Variants in GRM5 observed in about 807,000 individuals in gnomAD.
GRM5 encodes metabotropic glutamate receptor 5.
Under a neutral mutation model 83.1 loss-of-function variants are expected in GRM5, and 19 were observed. The ratio of observed to expected loss-of-function variants is 0.23; its 90% confidence interval spans 0.16 to 0.34. The LOEUF is 0.34. Among genes scored for constraint, GRM5 ranks in the 10% least tolerant of loss-of-function variants. GRM5 has a pLI of 1.00. For missense variants in GRM5, 1,160 were observed against 1,588.3 expected (o/e 0.73, Z 4.58); for synonymous variants, 675 against 633.6 (o/e 1.07, Z -0.98).
At chr11:88,627,091 C>G (rs1213869496) in intron 4 of GRM5, among the ~76,000 whole-genome samples, 1 of 152,216 alleles carries the variant, frequency 6.6e-6, no homozygotes, top group Non-Finnish European at 1.5e-5. Context: ...CATAATATCT[C>G]TATCTGCTAG....
At chr11:88,698,562 G>A (rs145767644) in intron 3 of GRM5, among the ~76,000 whole-genome samples, 1 of 152,112 alleles carries the variant, frequency 6.6e-6, no homozygotes, top group Non-Finnish European at 1.5e-5. Context: ...TATTGGCTAC[G>A]TATGGATTCA....
rs117851657 is a variant in GRM5, at chr11:88,783,552, A to G, written c.911+66354T>C. On this transcript the variant is annotated intron_variant, in intron 3 of 9. Transcript: ENST00000305447. ...AGCAAATGTCATAGTTTGAGCAGCAACCATATTGTATAGTTAGGTCTATTA... is the reference window on the plus strand; with the variant it reads ...AGCAAATGTCATAGTTTGAGCAGCAGCCATATTGTATAGTTAGGTCTATTA... Among the ~76,000 whole-genome samples the G allele has an allele frequency of 1.7e-4, 26 of 152,234 alleles. No homozygotes were observed. The East Asian group carries it at 4.6e-3, about 27-fold the overall frequency.
intron 3 of GRM5, among the ~76,000 whole-genome samples, chr11:88,801,102 C>A (rs1943385232): frequency 6.6e-6 from 1 of 151,978 alleles, no homozygotes; most frequent in South Asian, 2.1e-4. Flanking sequence ...TACCATTAAG[C>A]CTTTGACTTT....
At chr11:88,981,165 G>C (rs372166993) in intron 2 of GRM5, among the ~76,000 whole-genome samples, 13 of 151,936 alleles carry the variant, frequency 8.6e-5, no homozygotes, top group African/African-American at 2.4e-4. Context: ...TCTTTCATTT[G>C]GCTTCATCAA....
At chr11:88,796,254 C>T (rs1943271577) in intron 3 of GRM5, among the ~76,000 whole-genome samples, 1 of 152,264 alleles carries the variant, frequency 6.6e-6, no homozygotes, top group African/African-American at 2.4e-5. Flanking sequence ...AATTAGCATT[C>T]TGTTATATTT....
In GRM5 at chr11:88,641,781, G is replaced by A. The variant is rs558027216; in HGVS notation, c.1147+11387C>T. ...GTGGGTGCAAGGGGTGGGCTCCCAC[G>A]GCCTTGGGCAGCTCTGCTCCTGTGG... On this transcript the variant is annotated intron_variant, in intron 4 of 9. Transcript: ENST00000305447. Among the ~76,000 whole-genome samples, 7 of 152,286 alleles carry A rather than the reference G, an allele frequency of 4.6e-5. No individual in the cohort carries two copies. The East Asian group carries it at 5.8e-4, about 13-fold the overall frequency.
At chr11:88,955,851 A>G (rs1938594335) in intron 2 of GRM5, among the ~76,000 whole-genome samples, 1 of 152,204 alleles carries the variant, frequency 6.6e-6, no homozygotes, top group East Asian at 1.9e-4. Context: ...TTGATCTCAC[A>G]CTTTGCACAA....
chr11:88,778,111 C>T (rs889869711), intron 3 of GRM5, among the ~76,000 whole-genome samples: 3 of 152,078 alleles, frequency 2.0e-5, no homozygotes, highest in African/African-American at 7.2e-5. Flanking sequence ...GGGCTCCGCC[C>T]ATTTGGAGCT....
Position 88,633,277 on chromosome 11 carries a change from A to G in GRM5, c.1147+19891T>C, listed in dbSNP as rs183104545. Among the ~76,000 whole-genome samples, 3 of 152,270 alleles carry G rather than the reference A, an allele frequency of 2.0e-5. No individual in the cohort carries two copies. The East Asian group carries it at 5.8e-4, about 29-fold the overall frequency. ...TAAGAATTTCTCATCTACCCCAATT[A>G]TAGGTAAATTATATAGAAATTCTTC... is the stretch of plus-strand genomic sequence containing the variant. On this transcript the variant is annotated intron_variant, in intron 4 of 9. Transcript: ENST00000305447.
chr11:88,651,478 AG>A (rs1219548938), intron 4 of GRM5, among the ~76,000 whole-genome samples: 3 of 152,180 alleles, frequency 2.0e-5, no homozygotes, highest in South Asian at 4.2e-4. Context: ...AATAGACCAC[AG>A]AAGGACATAT....
chr11:88,767,387 C>G (rs1024605588), intron 3 of GRM5, among the ~76,000 whole-genome samples: 3 of 151,942 alleles, frequency 2.0e-5, no homozygotes, highest in African/African-American at 7.2e-5. Context: ...ATATTCATTG[C>G]AGCACTATTC....
chr11:88,683,385 A>T (rs1940544084), intron 3 of GRM5, among the ~76,000 whole-genome samples: 1 of 152,220 alleles, frequency 6.6e-6, no homozygotes, highest in Non-Finnish European at 1.5e-5. Flanking sequence ...CATCATGTAA[A>T]CTATGCACAT....
intron 3 of GRM5, among the ~76,000 whole-genome samples, chr11:88,697,958 T>C (rs1386648464): frequency 6.6e-6 from 1 of 152,228 alleles, no homozygotes; most frequent in Non-Finnish European, 1.5e-5. Context: ...CTGTCAACTT[T>C]ACTGACTAAA....
chr11:88,606,859 T>TAAA (rs35093217), intron 4 of GRM5, among the ~76,000 whole-genome samples: 7 of 145,986 alleles, frequency 4.8e-5, no homozygotes, highest in Admixed American at 1.4e-4. Context: ...AGAGTGTGGT[T>TAAA]AAAAAAAAAA....
At chr11:88,630,736 G>A (rs1591394877) in intron 4 of GRM5, among the ~76,000 whole-genome samples, 2 of 152,074 alleles carry the variant, frequency 1.3e-5, no homozygotes, top group Admixed American at 1.3e-4. Context: ...GCACCACCAT[G>A]ACTGGCTAAT....
intron 2 of GRM5, among the ~76,000 whole-genome samples, chr11:88,956,695 C>A (rs1374142754): frequency 2.6e-5 from 4 of 152,136 alleles, no homozygotes; most frequent in African/African-American, 4.8e-5. Context: ...AGTCCCAGCT[C>A]CTCGAGAGGC....
At chr11:88,609,337 T>G (rs1381615227) in intron 4 of GRM5, among the ~76,000 whole-genome samples, 1 of 152,142 alleles carries the variant, frequency 6.6e-6, no homozygotes, top group Non-Finnish European at 1.5e-5. Flanking sequence ...TGTTTGGCTG[T>G]TTAGTATTTC....
chr11:88,529,380 A>G (rs112865602), intron 8 of GRM5, among the ~76,000 whole-genome samples: 139 of 151,584 alleles, frequency 9.2e-4, no homozygotes, highest in Non-Finnish European at 1.5e-3. Context: ...GTGAGATATG[A>G]TACGTAAGAC....
At chr11:88,996,614 G>T (rs1260186395) in intron 2 of GRM5, among the ~76,000 whole-genome samples, 1 of 152,148 alleles carries the variant, frequency 6.6e-6, no homozygotes, top group Non-Finnish European at 1.5e-5. Context: ...AAAATTGACA[G>T]AACTAGACAT....
Sources: gnomAD v4.1 joint callset for allele counts (sites outside exome capture counted in the v4.1 genomes callset) on GRCh38, gnomAD v4.1.1 for gene constraint, MANE v1.5 for transcripts, NCBI Gene and HGNC (gene_info 2026-07-23, HGNC 2026-07-21) for gene names.